Variants in HDAC2 observed in about 807,000 individuals in gnomAD.
The protein encoded by HDAC2 is histone deacetylase 2.
HDAC2 carries 5 observed loss-of-function variants against 68.5 expected under a neutral mutation model. That is an observed-to-expected ratio of 0.07 (90% CI 0.04 to 0.15). The LOEUF (loss-of-function observed/expected upper bound fraction) is 0.15, where lower values mean the gene tolerates loss of function less well. HDAC2 is among the 10% of genes least tolerant of loss of function. HDAC2 has a pLI of 1.00. For synonymous variants in HDAC2, 182 were observed against 191.3 expected (o/e 0.95, Z 0.40); for missense variants, 291 against 600.8 (o/e 0.48, Z 5.39).
chr6:113,963,913 T>C (rs994291496), intron 1 of HDAC2, among the ~76,000 whole-genome samples: 2 of 152,330 alleles, frequency 1.3e-5, no homozygotes, highest in East Asian at 1.9e-4. Context: ...TCTACTAAGG[T>C]CCACAATCTC....
chr6:113,969,175 T>G (rs79153556), intron 1 of HDAC2, among the ~76,000 whole-genome samples: 12,886 of 152,278 alleles, frequency 0.085, 699 homozygotes, highest in East Asian at 0.28. Context: ...TATTTCCATC[T>G]CCACCCCTCC....
chr6:113,950,142 G>C (rs922924981), intron 6 of HDAC2, among the ~76,000 whole-genome samples: 2 of 152,052 alleles, frequency 1.3e-5, no homozygotes, highest in African/African-American at 4.8e-5. Context: ...TGTTGAATGA[G>C]TACCACTCCA....
chr6:113,941,819 T>C, intron 12 of HDAC2, 54 bp from the exon 13 acceptor site: 2 of 545,948 alleles, frequency 3.7e-6, no homozygotes, highest in Admixed American at 4.0e-5. Context: ...ATAAAATGTA[T>C]ATATATTATT....
At chr6:113,969,851 A>G (rs1776932292) in intron 1 of HDAC2, 1 of 152,210 alleles carries the variant, frequency 6.6e-6, no homozygotes, top group Admixed American at 6.6e-5. Flanking sequence ...GTTTTCCCAT[A>G]CCAGGATTCC....
chr6:113,942,128 C>T (rs767931821), intron 12 of HDAC2, among the ~76,000 whole-genome samples: 2 of 151,588 alleles, frequency 1.3e-5, no homozygotes, highest in African/African-American at 2.4e-5. Context: ...TTTTTAAGCA[C>T]AGAAAAGATA....
At chr6:113,946,322 G>T in intron 8 of HDAC2, 174 bp from the exon 9 acceptor site, 1 of 523,516 alleles carries the variant, frequency 1.9e-6, no homozygotes, top group Non-Finnish European at 3.3e-6. Context: ...TTCCAAACAC[G>T]TTATACAATA....
intron 6 of HDAC2, 80 bp from the exon 7 acceptor site, chr6:113,949,340 A>C (rs1354327091): frequency 1.2e-6 from 1 of 830,608 alleles, no homozygotes; most frequent in Admixed American, 2.1e-5. Context: ...TTTTGAAAAG[A>C]CTGAAAGACT....
chr6:113,971,069 G>A lies in HDAC2; in HGVS notation c.-161C>T, dbSNP rs1318687254. 3.2e-6 allele frequency: 5 copies of A among 1,554,550 alleles called. No individual in the cohort carries two copies. In the Admixed American group the frequency reaches 5.8e-5, roughly 18 times the overall value. ...CGGTGGGAGGAGAGGAGGGGGCGCC[G>A]GGAAGGCTCGGTACCACCCGGCAGA... On this transcript the variant is annotated 5_prime_UTR_variant, in exon 1 of 14. Transcript: ENST00000519065.
chr6:113,945,932 C>G (rs947805198), intron 9 of HDAC2, 76 bp downstream of exon 9: 1 of 1,124,072 alleles, frequency 8.9e-7, no homozygotes, highest in East Asian at 2.4e-5. Flanking sequence ...TTTATCAGGA[C>G]CTAATTGCAA....
chr6:113,968,995 A>AC (rs796280507), intron 1 of HDAC2, among the ~76,000 whole-genome samples: 66 of 152,228 alleles, frequency 4.3e-4, no homozygotes, highest in African/African-American at 1.6e-3. Context: ...CCTAACCAAA[A>AC]TTTTCCTCTT....
At chr6:113,959,309 T>A (rs1349756381) in intron 2 of HDAC2, among the ~76,000 whole-genome samples, 1 of 152,104 alleles carries the variant, frequency 6.6e-6, no homozygotes, top group African/African-American at 2.4e-5. Flanking sequence ...ATAATTCACA[T>A]ATTCACATAT....
intron 6 of HDAC2, 67 bp downstream of exon 6, chr6:113,953,210 C>T: frequency 1.8e-6 from 2 of 1,122,746 alleles, no homozygotes; most frequent in Non-Finnish European, 2.6e-6. Context: ...AATACTACTT[C>T]AAGTATAGGA....
chr6:113,970,608 C>G (rs1220409464), intron 1 of HDAC2: 1 of 1,306,742 alleles, frequency 7.7e-7, no homozygotes, highest in East Asian at 3.2e-5. Flanking sequence ...GCGGACTGCA[C>G]GGCCGAAGGG....
chr6:113,946,273 A>G lies in HDAC2; in HGVS notation c.842-125T>C. The G allele has an allele frequency of 4.4e-6, 3 of 688,910 alleles. No individual in the cohort carries two copies. In the South Asian group the frequency reaches 7.0e-5, roughly 16 times the overall value. The allele number at this position is 688,910 out of a possible 1,614,324, so 42.7% of individuals were successfully genotyped here. A position where few individuals can be genotyped will look rare whatever the true frequency, so the allele number is the denominator to read the frequency against. ...AATGGGTTTTCTAAATATTTTAAAAACAAATAAAAATGTAAAAAATGTCAA... is the reference window on the plus strand; with the variant it reads ...AATGGGTTTTCTAAATATTTTAAAAGCAAATAAAAATGTAAAAAATGTCAA... On this transcript the variant is annotated intron_variant, in intron 8 of 13. Coordinates refer to ENST00000519065, the MANE Select transcript of HDAC2 (RefSeq NM_001527.4).
At chr6:113,957,266 A>G (rs1042124908) in intron 3 of HDAC2, 1 of 153,064 alleles carries the variant, frequency 6.5e-6, no homozygotes, top group African/African-American at 2.4e-5. Flanking sequence ...GAAAACATTT[A>G]CAGATAAACG....
intron 8 of HDAC2, chr6:113,947,723 G>A (rs1259361485): frequency 6.6e-6 from 1 of 152,066 alleles, no homozygotes; most frequent in Non-Finnish European, 1.5e-5. Flanking sequence ...AACCACTGTT[G>A]ACCTACAAAG....
rs936967964 is a variant in HDAC2, at chr6:113,942,961, C to T, written c.1378+390G>A. Among the ~76,000 whole-genome samples the T allele has an allele frequency of 5.9e-5, 9 of 152,188 alleles. No homozygotes were observed. In the East Asian group the frequency reaches 1.7e-3, roughly 29 times the overall value. On this transcript the variant is annotated intron_variant, in intron 12 of 13. Transcript: ENST00000519065. ...GCAAAACTGGTCTAAGGATATGTAA[C>T]TCTTCTTTGTGTTTTCTCCCATTAA...
chr6:113,951,980 A>G (rs915167888), intron 6 of HDAC2, among the ~76,000 whole-genome samples: 1 of 152,202 alleles, frequency 6.6e-6, no homozygotes, highest in African/African-American at 2.4e-5. Context: ...CTGCAAAGAT[A>G]CTGTCTTATT....
rs930462245 is a variant in HDAC2, at chr6:113,938,888, T to C, written c.*2170A>G. 1.3e-5 allele frequency: 2 copies of C among 152,222 alleles called. No homozygotes were observed. The highest frequency in any genetic ancestry group is 2.9e-5 in the Non-Finnish European group (2 of 68,044). The allele number at this position is 152,222 out of a possible 1,614,324, so 9.4% of individuals were successfully genotyped here. A position where few individuals can be genotyped will look rare whatever the true frequency, so the allele number is the denominator to read the frequency against. On this transcript the variant is annotated 3_prime_UTR_variant, in exon 14 of 14. Coordinates refer to ENST00000519065, the MANE Select transcript of HDAC2 (RefSeq NM_001527.4). ...GCTTTAGATAGTTCTCTTGAGGTTTTAGTTGTATATAACCAACTACTTAGA... is the reference window on the plus strand; with the variant it reads ...GCTTTAGATAGTTCTCTTGAGGTTTCAGTTGTATATAACCAACTACTTAGA...
Sources: allele counts gnomAD v4.1 joint callset (sites outside exome capture counted in the v4.1 genomes callset), GRCh38; gene constraint gnomAD v4.1.1; transcripts MANE v1.5; gene names NCBI Gene and HGNC (gene_info 2026-07-23, HGNC 2026-07-21).